The following PRDM16 variants were observed in gnomAD, a reference collection of about 807,000 sequenced individuals.
PRDM16 encodes the protein PR/SET domain 16, also known as histone-lysine N-methyltransferase PRDM16.
Under a neutral mutation model 110.6 loss-of-function variants are expected in PRDM16, and 23 were observed. That is an observed-to-expected ratio of 0.21 (90% CI 0.15 to 0.29). The LOEUF is 0.29. PRDM16 is among the 10% of genes least tolerant of loss of function. The pLI is 1.00. For missense variants in PRDM16, 1,615 were observed against 1,794.3 expected, an observed-to-expected ratio of 0.90 and a Z score of 1.81; for synonymous variants, 799 against 781.8, an observed-to-expected ratio of 1.02 and a Z score of -0.37.
intron 4 of PRDM16, among the ~76,000 whole-genome samples, chr1:3,395,046 C>T (rs921563750): frequency 4.3e-4 from 66 of 152,226 alleles, no homozygotes; most frequent in African/African-American, 1.6e-3. Context: ...TCGTGCAGTT[C>T]CTGTCTGGGT....
chr1:3,093,984 C>T (rs911964360), intron 1 of PRDM16, among the ~76,000 whole-genome samples: 5 of 152,182 alleles, frequency 3.3e-5, no homozygotes, highest in East Asian at 1.9e-4. Flanking sequence ...TGGGCTTCTG[C>T]GATTCTGTGG....
At position 3,353,056 on chromosome 1, in the gene PRDM16, G is replaced by C. The variant is rs551979792; in HGVS notation, c.439-32096G>C. ...TGCCCTGAGGAGGACCAGGCCTGGG[G>C]CTCTGGAGCCAGAAGTCAGGAAAGG... is the stretch of plus-strand genomic sequence containing the variant. On this transcript the variant is annotated intron_variant, in intron 3 of 16. Coordinates refer to ENST00000270722, the MANE Select transcript of PRDM16 (RefSeq NM_022114.4). The surrounding 1 kb of genome is among the most constrained non-coding windows in gnomAD (Gnocchi z 5.4). 6.6e-6 allele frequency among the ~76,000 whole-genome samples: 1 copy of C among 152,332 alleles called. No individual in the cohort carries two copies. The highest frequency in any genetic ancestry group is 1.9e-4 in the East Asian group (1 of 5,168).
At chr1:3,296,318 G>A (rs557631268) in intron 3 of PRDM16, among the ~76,000 whole-genome samples, 7 of 152,336 alleles carry the variant, frequency 4.6e-5, no homozygotes, top group Non-Finnish European at 1.0e-4. Flanking sequence ...GCTCAGAGTC[G>A]TTATGGTCCG....
In PRDM16 at chr1:3,436,459, T is replaced by C. The variant is rs1638913131; in HGVS notation, c.*2648T>C. The C allele has an allele frequency of 8.6e-6, 2 of 231,590 alleles. No homozygotes were observed. Among genetic ancestry groups the C allele is most frequent in the Middle Eastern group, 1.3e-3 (1 of 794 alleles). 14.3% of individuals were successfully genotyped at this position (231,590 alleles called of 1,614,324 possible). Reference sequence around the variant, plus strand: ...TATATTTTCGTCCCCCTGAAAATGATGGCAAGCCCAGTTTCTCCTGAGCAT... The same window carrying C: ...TATATTTTCGTCCCCCTGAAAATGACGGCAAGCCCAGTTTCTCCTGAGCAT... On this transcript the variant is annotated 3_prime_UTR_variant, in exon 17 of 17. Coordinates refer to ENST00000270722, the MANE Select transcript of PRDM16 (RefSeq NM_022114.4).
Position 3,437,080 on chromosome 1 carries a change from G to A in PRDM16, c.*3269G>A. The A allele has an allele frequency of 4.3e-6, 1 of 232,730 alleles. No individual in the cohort carries two copies. The highest frequency in any genetic ancestry group is 8.5e-6 in the Non-Finnish European group (1 of 117,718). The allele number at this position is 232,730 out of a possible 1,614,324, so 14.4% of individuals were successfully genotyped here. A position where few individuals can be genotyped will look rare whatever the true frequency, so the allele number is the denominator to read the frequency against. ...CAGACCCTTCATGAGTGGGACCCAA[G>A]ATATCACTGACTTCAACCCAGAGGA... On this transcript the variant is annotated 3_prime_UTR_variant, in exon 17 of 17. Transcript: ENST00000270722.
intron 9 of PRDM16, among the ~76,000 whole-genome samples, chr1:3,413,843 AG>A: frequency 6.6e-6 from 1 of 152,130 alleles, no homozygotes; most frequent in East Asian, 1.9e-4. Flanking sequence ...TTACCACAGG[AG>A]GTTTGCATTG....
intron 3 of PRDM16, among the ~76,000 whole-genome samples, chr1:3,256,355 T>C (rs1640044889): frequency 6.6e-6 from 1 of 152,136 alleles, no homozygotes. Context: ...CACGCCCCAT[T>C]CTACATTCAT....
At position 3,394,773 on chromosome 1, in the gene PRDM16, C is replaced by T. The variant is rs188748175; in HGVS notation, c.574-1718C>T. ...CCCAGCTGGCGCTTCTCATCCCGCA[C>T]TTTGGGCCCGATTTTCTAATACAGT... is the stretch of plus-strand genomic sequence containing the variant. On this transcript the variant is annotated intron_variant, in intron 4 of 16. Coordinates refer to ENST00000270722, the MANE Select transcript of PRDM16 (RefSeq NM_022114.4). 2.8e-3 allele frequency among the ~76,000 whole-genome samples: 429 copies of T among 152,286 alleles called. 1 individual carries two copies. The highest frequency in any genetic ancestry group is 4.2e-3 in the Non-Finnish European group (288 of 68,022).
chr1:3,172,656 A>G (rs1231544912), intron 1 of PRDM16, among the ~76,000 whole-genome samples: 1 of 152,222 alleles, frequency 6.6e-6, no homozygotes, highest in African/African-American at 2.4e-5. Context: ...CCTGGAGGAA[A>G]CTTGAGGACC....
chr1:3,421,836 G>A (rs924199308), intron 12 of PRDM16, among the ~76,000 whole-genome samples: 1 of 152,248 alleles, frequency 6.6e-6, no homozygotes, highest in South Asian at 2.1e-4. Flanking sequence ...TGAATGAGCC[G>A]TGTTTGAGCA....
intron 2 of PRDM16, among the ~76,000 whole-genome samples, chr1:3,219,313 C>T (rs1437620490): frequency 2.0e-5 from 3 of 152,246 alleles, no homozygotes; most frequent in African/African-American, 4.8e-5. Flanking sequence ...CACACTGTGT[C>T]GGCGAGAGCA....
At chr1:3,263,853 G>A (rs559694243) in intron 3 of PRDM16, among the ~76,000 whole-genome samples, 5 of 152,348 alleles carry the variant, frequency 3.3e-5, no homozygotes, top group South Asian at 4.1e-4. Flanking sequence ...GGGGTATGGC[G>A]GCACCATTCA....
At chr1:3,109,154 C>T (rs1642731677) in intron 1 of PRDM16, among the ~76,000 whole-genome samples, 1 of 151,852 alleles carries the variant, frequency 6.6e-6, no homozygotes. Flanking sequence ...ACAGGTGTGT[C>T]CCATGCAGCA....
At chr1:3,352,003 G>T (rs1271883122) in intron 3 of PRDM16, among the ~76,000 whole-genome samples, 1 of 152,022 alleles carries the variant, frequency 6.6e-6, no homozygotes, top group Non-Finnish European at 1.5e-5. Flanking sequence ...CAAAGAGCAA[G>T]ATGACCACAC....
chr1:3,180,935 C>T (rs376627512), intron 1 of PRDM16, among the ~76,000 whole-genome samples: 7,341 of 145,122 alleles, frequency 0.051, 206 homozygotes, highest in Admixed American at 0.071. Context: ...CACGCAGCCA[C>T]ACACGCAGCC....
chr1:3,281,683 C>T (rs547418595), intron 3 of PRDM16, among the ~76,000 whole-genome samples: 123 of 148,966 alleles, frequency 8.3e-4, no homozygotes, highest in African/African-American at 2.8e-3. Flanking sequence ...GATTCATTGA[C>T]GAGCTATGAC....
At chr1:3,356,662 C>A (rs1277031509) in intron 3 of PRDM16, among the ~76,000 whole-genome samples, 1 of 152,180 alleles carries the variant, frequency 6.6e-6, no homozygotes, top group Non-Finnish European at 1.5e-5. Flanking sequence ...CCAGAGCGGC[C>A]CCAGGAGGAG....
chr1:3,165,322 T>A (rs1643938970), intron 1 of PRDM16, among the ~76,000 whole-genome samples: 1 of 148,672 alleles, frequency 6.7e-6, no homozygotes, highest in Non-Finnish European at 1.5e-5. Flanking sequence ...GGGTTGCACT[T>A]GGCCTCAGGG....
rs547307506 is a variant in PRDM16 at position 3,157,735 on chromosome 1, C to T, written c.38-28390C>T. Among the ~76,000 whole-genome samples, 108 of 152,202 alleles carry T rather than the reference C, an allele frequency of 7.1e-4. 1 individual carries two copies. Among genetic ancestry groups the T allele is most frequent in the African/African-American group, 2.5e-3 (105 of 41,536 alleles). ...AATACCCACAGGAGGCTGTGTTTGG[C>T]CACTAGCGGAGATGGCCCCAGAGAC... On this transcript the variant is annotated intron_variant, in intron 1 of 16. Transcript: ENST00000270722. This position sits in a 1 kb window ranked among gnomAD's most constrained non-coding sequence, Gnocchi z 4.8.
Sources: gnomAD v4.1 joint callset for allele counts (sites outside exome capture counted in the v4.1 genomes callset) on GRCh38, gnomAD v4.1.1 for gene constraint, Gnocchi (gnomAD v3.1) non-coding constraint, MANE v1.5 for transcripts, NCBI Gene and HGNC (gene_info 2026-07-23, HGNC 2026-07-21) for gene names.